Variants in KMT5B observed in about 807,000 individuals in gnomAD.
KMT5B encodes the protein lysine methyltransferase 5B.
KMT5B carries 10 observed loss-of-function variants against 83.2 expected under a neutral mutation model. That is an observed-to-expected ratio of 0.12 (90% confidence interval 0.07 to 0.20). The LOEUF is 0.20. Ranked by LOEUF, KMT5B falls within the 10% of genes least tolerant of loss-of-function variation. KMT5B has a pLI of 1.00. For synonymous variants in KMT5B, 349 were observed against 388.8 expected, an observed-to-expected ratio of 0.90 and a Z score of 1.20; for missense variants, 753 against 1,067.2, an observed-to-expected ratio of 0.71 and a Z score of 4.10.
At chr11:68,186,286 C>A (rs1857432036) in intron 2 of KMT5B, among the ~76,000 whole-genome samples, 2 of 152,086 alleles carry the variant, frequency 1.3e-5, no homozygotes, top group Non-Finnish European at 2.9e-5. Flanking sequence ...ATACACAGGG[C>A]CATTACAGAT....
rs1565212298 is a variant in KMT5B at position 68,157,912 on chromosome 11, G to C, written c.2434C>G (p.Arg812Gly). ...CSDPLSLLES[R>G]MEVDDYSQYE... Reference sequence around the variant, plus strand: ...TGACTATAGTCATCCACCTCCATTCGAGACTCCAAGAGAGAAAGAGGATCA... The same window carrying C: ...TGACTATAGTCATCCACCTCCATTCCAGACTCCAAGAGAGAAAGAGGATCA... Residue 812 changes from arginine to glycine, a missense_variant, in exon 11 of 11, where the codon CGA becomes GGA. Physicochemically the swap from Arg to Gly is moderately radical, Grantham distance 125. Coordinates refer to ENST00000304363, the MANE Select transcript of KMT5B (RefSeq NM_017635.5). 3 of 1,613,794 alleles carry C rather than the reference G, an allele frequency of 1.9e-6. No individual in the cohort carries two copies. Among genetic ancestry groups the C allele is most frequent in the African/African-American group, 2.7e-5 (2 of 74,882 alleles).
chr11:68,179,921 G>C, intron 4 of KMT5B: 1 of 555,792 alleles, frequency 1.8e-6, no homozygotes, highest in Non-Finnish European at 3.1e-6. Context: ...ATCTTTTGAA[G>C]AATGATTTGT....
At chr11:68,207,239 G>A (rs1043559179) in intron 1 of KMT5B, among the ~76,000 whole-genome samples, 3 of 151,404 alleles carry the variant, frequency 2.0e-5, no homozygotes, top group African/African-American at 7.3e-5. Flanking sequence ...ATCATGCCAA[G>A]CTACATCTCC....
In KMT5B at chr11:68,201,434, C is replaced by G. The variant is rs148345557; in HGVS notation, c.-76-11282G>C. Reference sequence around the variant, plus strand: ...GATGGCCCCTCAACAAATGTCAATGCCCTTCTCTTTCCAGGCTCTTTATGA... The same window carrying G: ...GATGGCCCCTCAACAAATGTCAATGGCCTTCTCTTTCCAGGCTCTTTATGA... On this transcript the variant is annotated intron_variant, in intron 1 of 10. Coordinates refer to ENST00000304363, the MANE Select transcript of KMT5B (RefSeq NM_017635.5). Among the ~76,000 whole-genome samples the G allele has an allele frequency of 2.5e-4, 38 of 152,296 alleles. 1 individual carries two copies. Among genetic ancestry groups the G allele is most frequent in the African/African-American group, 8.4e-4 (35 of 41,560 alleles).
At chr11:68,182,955 T>C (rs1590994828) in intron 3 of KMT5B, among the ~76,000 whole-genome samples, 1 of 150,306 alleles carries the variant, frequency 6.7e-6, no homozygotes, top group Admixed American at 6.6e-5. Flanking sequence ...AGGCTGGTCT[T>C]GAACTCCCGA....
At chr11:68,188,982 C>G (rs1453240455) in intron 2 of KMT5B, among the ~76,000 whole-genome samples, 1 of 152,170 alleles carries the variant, frequency 6.6e-6, no homozygotes, top group Non-Finnish European at 1.5e-5. Context: ...TTTTCTATAG[C>G]AACAGTGACC....
chr11:68,194,765 A>G (rs901915792), intron 1 of KMT5B, among the ~76,000 whole-genome samples: 1 of 152,224 alleles, frequency 6.6e-6, no homozygotes, highest in African/African-American at 2.4e-5. Flanking sequence ...AAGAAACAGC[A>G]CTTTCTGAAA....
intron 2 of KMT5B, 151 bp from the exon 3 acceptor site, chr11:68,186,079 A>C: frequency 2.8e-6 from 2 of 708,654 alleles, no homozygotes; most frequent in Non-Finnish European, 4.5e-6. Flanking sequence ...CCTTTGCATA[A>C]GACAGAAAAC....
intron 1 of KMT5B, among the ~76,000 whole-genome samples, chr11:68,201,063 T>C (rs137915177): frequency 6.6e-6 from 1 of 152,230 alleles, no homozygotes; most frequent in East Asian, 1.9e-4. Flanking sequence ...ACTGGAAAAC[T>C]GCTAAAATAA....
At chr11:68,161,434 G>GCT (rs746855644) in intron 10 of KMT5B, among the ~76,000 whole-genome samples, 2 of 152,028 alleles carry the variant, frequency 1.3e-5, no homozygotes, top group Non-Finnish European at 2.9e-5. Flanking sequence ...CAAACTTAGT[G>GCT]GTTTCCAACC....
At chr11:68,202,405 AC>A (rs1477175062) in intron 1 of KMT5B, among the ~76,000 whole-genome samples, 5 of 152,176 alleles carry the variant, frequency 3.3e-5, no homozygotes, top group Non-Finnish European at 5.9e-5. Flanking sequence ...TCCCTGCCCA[AC>A]CCCACTTCTC....
chr11:68,195,552 C>T (rs1858600751), intron 1 of KMT5B, among the ~76,000 whole-genome samples: 1 of 152,216 alleles, frequency 6.6e-6, no homozygotes, highest in Non-Finnish European at 1.5e-5. Context: ...AAGCACCTAC[C>T]ATGTCCAGGG....
intron 5 of KMT5B, 29 bp downstream of exon 5, chr11:68,174,989 G>A (rs765556249): frequency 2.0e-5 from 32 of 1,593,488 alleles, no homozygotes; most frequent in Non-Finnish European, 2.5e-5. Flanking sequence ...ATCCAAATAG[G>A]TTAACAGCAT....
In KMT5B at chr11:68,206,980, C is replaced by T. The variant is rs150446187; in HGVS notation, c.-77+6158G>A. 2.0e-3 allele frequency among the ~76,000 whole-genome samples: 302 copies of T among 152,116 alleles called. 1 individual carries two copies. The highest frequency in any genetic ancestry group is 3.0e-3 in the Non-Finnish European group (202 of 68,008). On this transcript the variant is annotated intron_variant, in intron 1 of 10. Coordinates refer to ENST00000304363, the MANE Select transcript of KMT5B (RefSeq NM_017635.5). ...CCAAGCAGCAGGGCACAGTGGCTCA[C>T]GTCTGTAATCCCAGCACTTTGGGAG...
chr11:68,209,561 A>G (rs2153092403), intron 1 of KMT5B, among the ~76,000 whole-genome samples: 1 of 152,334 alleles, frequency 6.6e-6, no homozygotes, highest in African/African-American at 2.4e-5. Flanking sequence ...GGCACAAGGT[A>G]GAAACACAGG....
At position 68,157,487 on chromosome 11, in the gene KMT5B, G is replaced by A; in HGVS notation, c.*201C>T. 1.4e-6 allele frequency: 1 copy of A among 704,378 alleles called. No individual in the cohort carries two copies. Among genetic ancestry groups the A allele is most frequent in the Non-Finnish European group, 2.0e-6 (1 of 499,878 alleles). The allele number at this position is 704,378 out of a possible 1,614,324, so 43.6% of individuals were successfully genotyped here. On this transcript the variant is annotated 3_prime_UTR_variant, in exon 11 of 11. Coordinates refer to ENST00000304363, the MANE Select transcript of KMT5B (RefSeq NM_017635.5). The stretch of plus-strand genomic sequence containing the variant: ...TCTAACTCAGAATTGCACGTAAGAA[G>A]GCTATTTAAAAAGTACGATAAAAAT...
intron 1 of KMT5B, among the ~76,000 whole-genome samples, chr11:68,210,501 G>T (rs1469125603): frequency 6.6e-6 from 1 of 151,898 alleles, no homozygotes; most frequent in African/African-American, 2.4e-5. Flanking sequence ...ACGGAGTCTA[G>T]GCCCTATCAA....
At chr11:68,166,000 G>A (rs1855286707) in intron 10 of KMT5B, 1 of 1,612,368 alleles carries the variant, frequency 6.2e-7, no homozygotes, top group Non-Finnish European at 8.5e-7. Flanking sequence ...TGAAAGTAGG[G>A]AGAAGAACCT....
intron 10 of KMT5B, among the ~76,000 whole-genome samples, chr11:68,160,252 T>G (rs1246521339): frequency 6.6e-6 from 1 of 152,228 alleles, no homozygotes; most frequent in Non-Finnish European, 1.5e-5. Context: ...GACTCAAGCT[T>G]AAGCTGCTCC....
Sources: gnomAD v4.1 joint callset for allele counts (sites outside exome capture counted in the v4.1 genomes callset) on GRCh38, gnomAD v4.1.1 for gene constraint, MANE v1.5 for transcripts, NCBI Gene and HGNC (gene_info 2026-07-23, HGNC 2026-07-21) for gene names.